XRCC3: variants seen among roughly 807,000 people sequenced by gnomAD.
The protein encoded by XRCC3 is X-ray repair cross complementing 3.
Under a neutral mutation model 29.2 loss-of-function variants are expected in XRCC3, and 34 were observed. The observed-to-expected ratio is 1.16, with a 90% confidence interval of 0.88 to 1.55. The LOEUF is 1.55. Among genes scored for constraint, XRCC3 ranks in the 40% most tolerant of loss-of-function variants. The pLI, the probability that XRCC3 is intolerant of heterozygous loss-of-function variation, is 0.00. For missense variants in XRCC3, 463 were observed against 467.6 expected, an observed-to-expected ratio of 0.99 and a Z score of 0.09; for synonymous variants, 223 against 211.3, an observed-to-expected ratio of 1.06 and a Z score of -0.48.
At chr14:103,708,884 T>C (rs987893234) in intron 4 of XRCC3, 2 of 564,784 alleles carry the variant, frequency 3.5e-6, no homozygotes, top group Non-Finnish European at 3.2e-6. Flanking sequence ...CCCTGAGTCC[T>C]GGCACTCGGA....
In XRCC3 at chr14:103,698,409, C is replaced by T. The variant is rs1336995892; in HGVS notation, c.*389G>A. ...CCAAGGCTGAGGGGGTCTGAGGCCC[C>T]AGCCCAGGGGGCAGGCCTCAGACGC... On this transcript the variant is annotated 3_prime_UTR_variant, in exon 10 of 10. Transcript: ENST00000555055. 3.3e-6 allele frequency: 1 copy of T among 300,308 alleles called. No individual in the cohort carries two copies. Among genetic ancestry groups the T allele is most frequent in the Non-Finnish European group, 6.5e-6 (1 of 154,538 alleles). 18.6% of individuals were successfully genotyped at this position (300,308 alleles called of 1,614,324 possible).
intron 7 of XRCC3, chr14:103,699,918 C>G: frequency 2.7e-6 from 1 of 375,698 alleles, no homozygotes; most frequent in South Asian, 2.3e-5. Context: ...TCTCCTTCTG[C>G]CATGGTTTCA....
At chr14:103,708,159 G>A in intron 5 of XRCC3, 2 of 372,044 alleles carry the variant, frequency 5.4e-6, no homozygotes, top group Non-Finnish European at 1.0e-5. Context: ...TCCCACACGT[G>A]GTGGTGGGAC....
chr14:103,703,005 C>T, intron 7 of XRCC3, 168 bp downstream of exon 7: 2 of 1,043,836 alleles, frequency 1.9e-6, no homozygotes, highest in South Asian at 3.1e-5. Flanking sequence ...CATCCTCTGA[C>T]CCCACCTGCT....
intron 7 of XRCC3, among the ~76,000 whole-genome samples, chr14:103,701,040 C>T (rs1217312665): frequency 1.3e-5 from 2 of 152,358 alleles, no homozygotes; most frequent in East Asian, 3.9e-4. Context: ...CGCACCAGTC[C>T]CCCATGACCC....
chr14:103,701,181 C>T, intron 7 of XRCC3: 1 of 1,550,616 alleles, frequency 6.4e-7, no homozygotes, highest in Non-Finnish European at 8.7e-7. Flanking sequence ...CCAGCCCTGA[C>T]CTTCTATCTT....
intron 7 of XRCC3, chr14:103,701,274 G>A (rs549132559): frequency 2.1e-5 from 32 of 1,497,018 alleles, no homozygotes; most frequent in Middle Eastern, 3.5e-4. Flanking sequence ...CAGCCAGGGC[G>A]GCAGGGAGGG....
In XRCC3 at chr14:103,711,164, C is replaced by G; in HGVS notation, c.-77G>C. 1 of 1,537,616 alleles carries G rather than the reference C, an allele frequency of 6.5e-7. No homozygotes were observed. Among genetic ancestry groups the G allele is most frequent in the Non-Finnish European group, 9.0e-7 (1 of 1,112,296 alleles). On this transcript the variant is annotated 5_prime_UTR_variant, in exon 4 of 10. Coordinates refer to ENST00000555055, the MANE Select transcript of XRCC3 (RefSeq NM_005432.4). ...CAATGGATGCAAATTCTGAGGCACT[C>G]GCCTTCAATTCAAAGCCTGTGGGAG...
At chr14:103,711,335 A>G (rs1264924160) in intron 3 of XRCC3, 90 bp from the exon 4 acceptor site, 2 of 670,712 alleles carry the variant, frequency 3.0e-6, no homozygotes, top group Non-Finnish European at 5.5e-6. Context: ...AGAATTATTT[A>G]GCAGCTTAGA....
Position 103,698,647 on chromosome 14 carries a change from C to A in XRCC3, c.*151G>T. ...ATGGGGGTCAGTCTGTGGCCACCAT[C>A]TTCGGATGAGAAAGTGGAGCCGCTG... is the stretch of plus-strand genomic sequence containing the variant. On this transcript the variant is annotated 3_prime_UTR_variant, in exon 10 of 10. Transcript: ENST00000555055. 1.4e-6 allele frequency: 1 copy of A among 734,426 alleles called. No homozygotes were observed. The highest frequency in any genetic ancestry group is 2.3e-6 in the Non-Finnish European group (1 of 431,430). 45.5% of individuals were successfully genotyped at this position (734,426 alleles called of 1,614,324 possible).
chr14:103,713,052 C>G (rs1390330226), intron 1 of XRCC3, 121 bp from the exon 2 acceptor site: 2 of 152,350 alleles, frequency 1.3e-5, no homozygotes, highest in Non-Finnish European at 2.9e-5. Flanking sequence ...CCCGGGCGGC[C>G]TGATCTGGCA....
rs757649541 is a variant in XRCC3 at position 103,708,613 on chromosome 14, G to A, written c.102C>T (p.Asp34=). ...VKEVLHFSGP[D]LKRLTNLSSP... is the part of the protein sequence containing the mutation. ...TGGAGAGGTTGGTCAGTCTCTTCAAGTCTGGTCCAGAAAAGTGTAAAACCT... is the reference window on the plus strand; with the variant it reads ...TGGAGAGGTTGGTCAGTCTCTTCAAATCTGGTCCAGAAAAGTGTAAAACCT... Residue 34 remains aspartate (D), a synonymous_variant, in exon 5 of 10, where the codon GAC becomes GAT. Transcript: ENST00000555055. The A allele has an allele frequency of 1.2e-6, 2 of 1,614,226 alleles. No homozygotes were observed. Among genetic ancestry groups the A allele is most frequent in the Non-Finnish European group, 1.7e-6 (2 of 1,180,034 alleles).
At chr14:103,702,659 G>A (rs1475956755) in intron 7 of XRCC3, 1 of 182,090 alleles carries the variant, frequency 5.5e-6, no homozygotes, top group Non-Finnish European at 1.2e-5. Flanking sequence ...AGCTGCCTGA[G>A]ATTCAGATGT....
At position 103,707,059 on chromosome 14, in the gene XRCC3, G is replaced by T; in HGVS notation, c.350C>A (p.Ala117Glu). Residue 117 changes from alanine (A) to glutamate (E), a missense_variant, in exon 6 of 10, where the codon GCG (alanine) becomes GAG (glutamate). Coordinates refer to ENST00000555055, the MANE Select transcript of XRCC3 (RefSeq NM_005432.4). ...CTGCACAGCCAGGCAGAGCTGCAGCGCCAGCTGGGTCTTCCCTGCCGAGCT... is the reference window on the plus strand; with the variant it reads ...CTGCACAGCCAGGCAGAGCTGCAGCTCCAGCTGGGTCTTCCCTGCCGAGCT... ...GRSSAGKTQL[A>E]LQLCLAVQFP... is the part of the protein sequence containing the mutation. 1 of 1,564,222 alleles carries T rather than the reference G, an allele frequency of 6.4e-7. No homozygotes were observed. The highest frequency in any genetic ancestry group is 8.6e-7 in the Non-Finnish European group (1 of 1,156,962).
Position 103,706,841 on chromosome 14 carries a change from C to T in XRCC3, c.406+162G>A, listed in dbSNP as rs1047298547. 1.8e-5 allele frequency: 15 copies of T among 852,996 alleles called. No individual in the cohort carries two copies. The African/African-American group carries it at 2.0e-4, about 11-fold the overall frequency. 52.8% of individuals were successfully genotyped at this position (852,996 alleles called of 1,614,324 possible). ...CTGAGCCCAGCCTCACTTCCCCCTC[C>T]CTGTTCTGGAAGGAGCGAGGGCAAT... On this transcript the variant is annotated intron_variant, in intron 6 of 9. Coordinates refer to ENST00000555055, the MANE Select transcript of XRCC3 (RefSeq NM_005432.4).
At chr14:103,701,442 T>C (rs1448309472) in intron 7 of XRCC3, 3 of 447,180 alleles carry the variant, frequency 6.7e-6, no homozygotes, top group Non-Finnish European at 1.2e-5. Flanking sequence ...ACCTGGGGCA[T>C]GAGCTGGGCC....
chr14:103,710,924 C>T (rs1331206438), intron 4 of XRCC3, 109 bp downstream of exon 4: 3 of 1,074,082 alleles, frequency 2.8e-6, no homozygotes, highest in Middle Eastern at 2.0e-4. Context: ...GTTTAATAAT[C>T]AGGGTAGGCA....
chr14:103,706,815 G>A, intron 6 of XRCC3, 188 bp downstream of exon 6: 1 of 729,718 alleles, frequency 1.4e-6, no homozygotes, highest in Non-Finnish European at 2.3e-6. Context: ...CCTGCTGTCA[G>A]CTGAGCCCAG....
intron 8 of XRCC3, 61 bp from the exon 9 acceptor site, chr14:103,699,240 A>G (rs1390164277): frequency 6.5e-7 from 1 of 1,541,268 alleles, no homozygotes; most frequent in East Asian, 2.4e-5. Context: ...GGTTAGGCAC[A>G]GGCTGCTACC....
Sources: gnomAD v4.1 joint callset for allele counts (sites outside exome capture counted in the v4.1 genomes callset) on GRCh38, gnomAD v4.1.1 for gene constraint, MANE v1.5 for transcripts, NCBI Gene and HGNC (gene_info 2026-07-23, HGNC 2026-07-21) for gene names.